ATXN7: variants seen among roughly 807,000 people sequenced by gnomAD.
ATXN7 encodes the protein ataxin-7.
A neutral mutation model predicts 70.5 loss-of-function variants in ATXN7; 12 were observed. The ratio of observed to expected loss-of-function variants is 0.17; its 90% CI spans 0.11 to 0.28. The LOEUF is 0.28. ATXN7 is among the 10% of genes least tolerant of loss of function. ATXN7 has a pLI of 1.00. For missense variants in ATXN7, 1,256 were observed against 1,131.7 expected (o/e 1.11, Z -1.58); for synonymous variants, 498 against 448.7 (o/e 1.11, Z -1.39).
rs191277857 is a variant in ATXN7, at chr3:63,985,224, A to G, written c.1095+2203A>G. 5.9e-5 allele frequency among the ~76,000 whole-genome samples: 9 copies of G among 152,142 alleles called. No individual in the cohort carries two copies. In the East Asian group the frequency reaches 1.5e-3, roughly 26 times the overall value. On this transcript the variant is annotated intron_variant, in intron 8 of 12. Coordinates refer to ENST00000674280, the MANE Select transcript of ATXN7 (RefSeq NM_001377405.1). Reference sequence around the variant, plus strand: ...TGACTGGCATTCTTCCTGTGCCTTTATTGCTAGGTGGAGTGACTTTGAATG... The same window carrying G: ...TGACTGGCATTCTTCCTGTGCCTTTGTTGCTAGGTGGAGTGACTTTGAATG...
chr3:63,927,607 A>G (rs141787977), intron 4 of ATXN7, among the ~76,000 whole-genome samples: 191 of 152,276 alleles, frequency 1.3e-3, no homozygotes, highest in African/African-American at 4.3e-3. Flanking sequence ...ATGGTTTTGG[A>G]ATAGCTGGTA....
At position 63,995,851 on chromosome 3, in the gene ATXN7, A is replaced by G. The variant is rs2075749865; in HGVS notation, c.2029A>G (p.Ser677Gly). 6.2e-7 allele frequency: 1 copy of G among 1,614,088 alleles called. No individual in the cohort carries two copies. Among genetic ancestry groups the G allele is most frequent in the South Asian group, 1.1e-5 (1 of 91,090 alleles). ...CAGGAAACCTCAGAAATTGAAATCC[A>G]GCAAATCTTTGAGGCCCAAGGAGTC... ...MSRKPQKLKS[S>G]KSLRPKESSG... is the part of the protein sequence containing the mutation. Residue 677 changes from serine to glycine, a missense_variant, in exon 12 of 13, where the codon AGC becomes GGC. Physicochemically the swap from Ser to Gly is moderately conservative, Grantham distance 56. Transcript: ENST00000674280.
At chr3:63,936,336 A>G (rs1400683353) in intron 4 of ATXN7, among the ~76,000 whole-genome samples, 1 of 152,168 alleles carries the variant, frequency 6.6e-6, no homozygotes, top group African/African-American at 2.4e-5. Context: ...AACATCAGTG[A>G]CACAGCTTAC....
intron 5 of ATXN7, among the ~76,000 whole-genome samples, chr3:63,971,168 AG>A (rs1166142969): frequency 1.3e-5 from 2 of 152,312 alleles, no homozygotes; most frequent in East Asian, 3.9e-4. Flanking sequence ...CTTTGTGGCA[AG>A]GACTTTTTCT....
intron 6 of ATXN7, among the ~76,000 whole-genome samples, chr3:63,981,040 C>T (rs932219530): frequency 1.3e-5 from 2 of 152,182 alleles, no homozygotes; most frequent in Non-Finnish European, 2.9e-5. Context: ...AGCCTGGTGA[C>T]GGATGGCTTT....
chr3:63,923,679 A>G (rs1559633583), intron 4 of ATXN7, among the ~76,000 whole-genome samples: 1 of 152,136 alleles, frequency 6.6e-6, no homozygotes, highest in African/African-American at 2.4e-5. Flanking sequence ...CTGTAATCCC[A>G]GCTACTCAGG....
At chr3:63,998,980 A>G (rs759172577) in intron 12 of ATXN7, 53 of 158,474 alleles carry the variant, frequency 3.3e-4, no homozygotes, top group Non-Finnish European at 6.4e-4. Flanking sequence ...CCAAAGATGT[A>G]AAAGCCCACT....
chr3:63,940,934 G>T (rs2107362146), intron 4 of ATXN7, among the ~76,000 whole-genome samples: 1 of 152,296 alleles, frequency 6.6e-6, no homozygotes, highest in East Asian at 1.9e-4. Flanking sequence ...GTCAGGATTT[G>T]CTGACAGTAT....
intron 3 of ATXN7, 80 bp from the exon 4 acceptor site, chr3:63,913,077 C>A: frequency 6.6e-7 from 1 of 1,514,412 alleles, no homozygotes. Context: ...CCACACCTAC[C>A]CCGTGCGTGC....
chr3:63,912,127 C>G (rs1704044259), intron 2 of ATXN7: 1 of 152,130 alleles, frequency 6.6e-6, no homozygotes, highest in South Asian at 2.1e-4. Flanking sequence ...GACGCGCGGA[C>G]GGAAGGAAGG....
chr3:63,978,408 A>G (rs1412786620), intron 5 of ATXN7, among the ~76,000 whole-genome samples: 3 of 152,206 alleles, frequency 2.0e-5, no homozygotes, highest in Non-Finnish European at 4.4e-5. Context: ...TGTATCGTCT[A>G]AGGCAGGTGA....
chr3:63,948,298 A>G (rs761032856), intron 4 of ATXN7, among the ~76,000 whole-genome samples: 1 of 152,162 alleles, frequency 6.6e-6, no homozygotes, highest in Non-Finnish European at 1.5e-5. Flanking sequence ...CTGTTGGGGG[A>G]TGAATAGTAT....
chr3:63,897,335 G>C (rs1703477304), intron 1 of ATXN7, among the ~76,000 whole-genome samples: 1 of 152,186 alleles, frequency 6.6e-6, no homozygotes, highest in Non-Finnish European at 1.5e-5. Flanking sequence ...TTACTGAATA[G>C]CATTTTGAGT....
At chr3:63,952,860 T>TTC (rs2074978563) in intron 5 of ATXN7, among the ~76,000 whole-genome samples, 1 of 129,432 alleles carries the variant, frequency 7.7e-6, no homozygotes, top group African/African-American at 2.9e-5. Flanking sequence ...TTTTTTTTTT[T>TTC]TTTTTTAAGG....
Position 63,999,543 on chromosome 3 carries a change from C to A in ATXN7, c.*76C>A. 1 of 1,596,932 alleles carries A rather than the reference C, an allele frequency of 6.3e-7. No homozygotes were observed. The highest frequency in any genetic ancestry group is 1.7e-5 in the Admixed American group (1 of 57,798). On this transcript the variant is annotated 3_prime_UTR_variant, in exon 13 of 13. Transcript: ENST00000674280. ...TTACACCTCCACTCAGCACTCTGGA[C>A]TCCACGATGCCTTTGAGTCTGTTTT...
intron 4 of ATXN7, among the ~76,000 whole-genome samples, chr3:63,916,049 A>G (rs978582909): frequency 5.3e-5 from 8 of 152,296 alleles, no homozygotes; most frequent in African/African-American, 1.4e-4. Flanking sequence ...CCAATGTGCA[A>G]TTTTGGACCT....
intron 1 of ATXN7, among the ~76,000 whole-genome samples, chr3:63,886,794 G>A (rs1015724076): frequency 6.6e-6 from 1 of 152,156 alleles, no homozygotes; most frequent in South Asian, 2.1e-4. Flanking sequence ...TTAGTGTTCT[G>A]GTCTTATTAT....
intron 1 of ATXN7, among the ~76,000 whole-genome samples, chr3:63,897,220 A>G (rs1559623569): frequency 6.6e-6 from 1 of 152,238 alleles, no homozygotes; most frequent in Admixed American, 6.5e-5. Flanking sequence ...AGGAGCACTA[A>G]AATGGAAATC....
At chr3:63,925,859 A>AGAT (rs961053800) in intron 4 of ATXN7, among the ~76,000 whole-genome samples, 4 of 152,122 alleles carry the variant, frequency 2.6e-5, no homozygotes, top group Non-Finnish European at 4.4e-5. Flanking sequence ...CTGGGGCATC[A>AGAT]GTGTGTGGGA....
Sources: gnomAD v4.1 joint callset for allele counts (sites outside exome capture counted in the v4.1 genomes callset) on GRCh38, gnomAD v4.1.1 for gene constraint, MANE v1.5 for transcripts, NCBI Gene and HGNC (gene_info 2026-07-23, HGNC 2026-07-21) for gene names.